Variants in ANO10 observed in about 807,000 individuals in gnomAD.
ANO10 encodes anoctamin 10.
Under a neutral mutation model 74.7 loss-of-function variants are expected in ANO10, and 77 were observed. That is an observed-to-expected ratio of 1.03 (90% confidence interval 0.86 to 1.25). ANO10 has a LOEUF of 1.25. Among genes scored for constraint, ANO10 ranks in the 50% most tolerant of loss-of-function variants. ANO10 has a pLI of 0.00. For synonymous variants in ANO10, 279 were observed against 284.9 expected (o/e 0.98, Z 0.21); for missense variants, 721 against 778.1 (o/e 0.93, Z 0.87).
At chr3:43,513,636 G>A (rs1022778158) in intron 11 of ANO10, among the ~76,000 whole-genome samples, 1 of 152,110 alleles carries the variant, frequency 6.6e-6, no homozygotes, top group Non-Finnish European at 1.5e-5. Context: ...TCAGCCTCCT[G>A]AGTAGCTAGG....
intron 5 of ANO10, 131 bp from the exon 6 acceptor site, chr3:43,577,392 G>T: frequency 2.2e-6 from 2 of 903,296 alleles, no homozygotes; most frequent in Non-Finnish European, 1.8e-6. Flanking sequence ...AGCGTGTGGT[G>T]GTAAATCTAC....
At chr3:43,602,959 T>A (rs2082402657) in intron 2 of ANO10, among the ~76,000 whole-genome samples, 1 of 152,250 alleles carries the variant, frequency 6.6e-6, no homozygotes. Context: ...TTTAGCTCCC[T>A]TTCTTTCTTC....
intron 1 of ANO10, among the ~76,000 whole-genome samples, chr3:43,664,266 C>T (rs1033741872): frequency 2.6e-5 from 4 of 152,024 alleles, no homozygotes; most frequent in Admixed American, 2.6e-4. Flanking sequence ...ACCTGACACA[C>T]ACAAGCAATG....
At chr3:43,588,148 C>T (rs1262785994) in intron 4 of ANO10, among the ~76,000 whole-genome samples, 1 of 152,098 alleles carries the variant, frequency 6.6e-6, no homozygotes, top group Non-Finnish European at 1.5e-5. Flanking sequence ...AACAGAAAAT[C>T]TTAAACTTCA....
intron 5 of ANO10, among the ~76,000 whole-genome samples, chr3:43,578,083 T>C (rs1221636283): frequency 1.3e-5 from 2 of 152,142 alleles, no homozygotes. Context: ...TCTTAGTTAA[T>C]AATACACAGT....
intron 11 of ANO10, among the ~76,000 whole-genome samples, chr3:43,447,884 G>C (rs926951566): frequency 7.9e-5 from 12 of 152,174 alleles, no homozygotes; most frequent in East Asian, 7.7e-4. Flanking sequence ...TTTACATTAG[G>C]GTTCACTATA....
chr3:43,507,760 G>C (rs1345784041), intron 11 of ANO10, among the ~76,000 whole-genome samples: 2 of 152,008 alleles, frequency 1.3e-5, no homozygotes, highest in African/African-American at 4.8e-5. Context: ...TGGGTTCTAG[G>C]GGGCCGTTCT....
At chr3:43,675,474 T>C (rs1214776819) in intron 1 of ANO10, among the ~76,000 whole-genome samples, 2 of 152,128 alleles carry the variant, frequency 1.3e-5, no homozygotes, top group African/African-American at 4.8e-5. Flanking sequence ...AGGAAGTATT[T>C]GCAAACTACA....
At chr3:43,462,869 T>G (rs1342842058) in intron 11 of ANO10, among the ~76,000 whole-genome samples, 1 of 152,178 alleles carries the variant, frequency 6.6e-6, no homozygotes, top group African/African-American at 2.4e-5. Flanking sequence ...AAGGGGCCAA[T>G]GTAGAGCTCA....
At chr3:43,635,598 G>A (rs181598301) in intron 1 of ANO10, among the ~76,000 whole-genome samples, 272 of 150,934 alleles carry the variant, frequency 1.8e-3, no homozygotes, top group Non-Finnish European at 3.1e-3. Flanking sequence ...TCTTTAGTTC[G>A]TATAATCTGG....
At chr3:43,485,379 G>A (rs760457702) in intron 11 of ANO10, 8 of 450,450 alleles carry the variant, frequency 1.8e-5, no homozygotes, top group African/African-American at 8.0e-5. Context: ...GCTCCTGATC[G>A]GGCTAAAGAC....
In ANO10 at chr3:43,395,546, C is replaced by T. The variant is rs574410147; in HGVS notation, c.1915-28572G>A. 5.3e-5 allele frequency among the ~76,000 whole-genome samples: 8 copies of T among 152,266 alleles called. No homozygotes were observed. In the East Asian group the frequency reaches 5.8e-4, roughly 11 times the overall value. ...AGAACCGTTTATTGAAAAGACTATT[C>T]TCTACTGCATGGTCTTTGCACTTTT... On this transcript the variant is annotated intron_variant, in intron 12 of 12. Coordinates refer to ENST00000292246, the MANE Select transcript of ANO10 (RefSeq NM_018075.5).
intron 1 of ANO10, among the ~76,000 whole-genome samples, chr3:43,647,853 A>G (rs2083743016): frequency 6.6e-6 from 1 of 152,218 alleles, no homozygotes. Flanking sequence ...AGGGGTAACA[A>G]TAGCTCAGAA....
At chr3:43,417,295 TAAG>T (rs1430690587) in intron 12 of ANO10, among the ~76,000 whole-genome samples, 2 of 152,162 alleles carry the variant, frequency 1.3e-5, no homozygotes, top group Non-Finnish European at 2.9e-5. Context: ...ACATGTGTAG[TAAG>T]AAGGAGACAA....
intron 12 of ANO10, among the ~76,000 whole-genome samples, chr3:43,413,170 T>C (rs562471008): frequency 2.0e-5 from 3 of 152,314 alleles, no homozygotes; most frequent in Admixed American, 1.3e-4. Flanking sequence ...TTTTTACTTC[T>C]CTCTGCCTGT....
intron 11 of ANO10, among the ~76,000 whole-genome samples, chr3:43,450,459 T>C (rs936917193): frequency 6.6e-6 from 1 of 152,146 alleles, no homozygotes; most frequent in Non-Finnish European, 1.5e-5. Context: ...GAGAATTGCT[T>C]GAACCCAGGA....
chr3:43,666,675 A>C (rs1302557821), intron 1 of ANO10, among the ~76,000 whole-genome samples: 2 of 152,164 alleles, frequency 1.3e-5, no homozygotes, highest in South Asian at 2.1e-4. Context: ...ATTTATAAAT[A>C]ATAGAAATTT....
At chr3:43,574,951 C>T (rs1375963317) in intron 6 of ANO10, 87 bp from the exon 7 acceptor site, 32 of 1,054,466 alleles carry the variant, frequency 3.0e-5, no homozygotes, top group Non-Finnish European at 4.0e-5. Context: ...GCATTGAGGG[C>T]GGAGATGTCC....
intron 10 of ANO10, among the ~76,000 whole-genome samples, chr3:43,553,387 A>G (rs894339188): frequency 3.3e-5 from 5 of 152,040 alleles, no homozygotes; most frequent in Non-Finnish European, 7.4e-5. Context: ...TATTTATTCA[A>G]GTACTTTTTG....
Sources: gnomAD v4.1 joint callset for allele counts (sites outside exome capture counted in the v4.1 genomes callset) on GRCh38, gnomAD v4.1.1 for gene constraint, MANE v1.5 for transcripts, NCBI Gene and HGNC (gene_info 2026-07-23, HGNC 2026-07-21) for gene names.